The following SART1 variants were observed in gnomAD, a reference collection of about 807,000 sequenced individuals.
SART1 encodes U4/U6.U5 tri-snRNP-associated protein 1.
A neutral mutation model predicts 105.0 loss-of-function variants in SART1; 28 were observed. The observed-to-expected ratio is 0.27, with a 90% confidence interval of 0.20 to 0.37. SART1 has a LOEUF of 0.37. SART1 is among the 10% of genes least tolerant of loss of function. The probability of loss-of-function intolerance (pLI) is 1.00; values close to 1 mark genes in which losing one functional copy is unlikely to be tolerated. For missense variants in SART1, 894 were observed against 1,106.5 expected, an observed-to-expected ratio of 0.81 and a Z score of 2.72; for synonymous variants, 472 against 462.9, an observed-to-expected ratio of 1.02 and a Z score of -0.25.
chr11:65,967,903 T>G (rs1855294742), intron 12 of SART1, 82 bp downstream of exon 12: 1 of 1,158,686 alleles, frequency 8.6e-7, no homozygotes, highest in Non-Finnish European at 1.2e-6. Flanking sequence ...ACAGCCACAT[T>G]CCTGTCTGAA....
chr11:65,970,437 T>C (rs1412989750), intron 12 of SART1, among the ~76,000 whole-genome samples: 1 of 152,148 alleles, frequency 6.6e-6, no homozygotes, highest in African/African-American at 2.4e-5. Context: ...GGGAGACACA[T>C]TTATGACGGA....
intron 1 of SART1, among the ~76,000 whole-genome samples, chr11:65,963,471 G>GTT (rs201364567): frequency 1.3e-5 from 2 of 148,912 alleles, no homozygotes; most frequent in Non-Finnish European, 1.5e-5. Flanking sequence ...GAAAGGAAGA[G>GTT]TTTTTTTTTT....
intron 1 of SART1, among the ~76,000 whole-genome samples, chr11:65,962,319 ACT>A (rs1204280522): frequency 6.6e-6 from 1 of 152,152 alleles, no homozygotes; most frequent in Admixed American, 6.5e-5. Flanking sequence ...ACAAAGCGAG[ACT>A]CTGTCTCAAA....
In SART1 at chr11:65,962,057, G is replaced by T. The variant is rs1177180019; in HGVS notation, c.277G>T (p.Val93Leu). The T allele has an allele frequency of 2.0e-6, 3 of 1,480,108 alleles. No homozygotes were observed. The highest frequency in any genetic ancestry group is 2.2e-5 in the Admixed American group (1 of 44,882). 91.7% of individuals were successfully genotyped at this position (1,480,108 alleles called of 1,614,324 possible). A position where few individuals can be genotyped will look rare whatever the true frequency, so the allele number is the denominator to read the frequency against. The change falls in exon 1 of 20, where the codon GTG (valine) becomes TTG (leucine). Residue 93 changes from valine to leucine, a missense_variant. Val to Leu is a conservative substitution (Grantham distance 32, BLOSUM62 1). Transcript: ENST00000312397. ...RSQAEPSERRVKREKRDDGYE... is the reference protein window; with the variant it reads ...RSQAEPSERRLKREKRDDGYE... Reference sequence around the variant, plus strand: ...CCAGGCAGAGCCCTCCGAGCGGCGCGTGAAGCGGGAGAAGCGCGATGACGG... The same window carrying T: ...CCAGGCAGAGCCCTCCGAGCGGCGCTTGAAGCGGGAGAAGCGCGATGACGG...
intron 2 of SART1, 167 bp downstream of exon 2, chr11:65,964,298 G>A: frequency 1.2e-6 from 1 of 834,098 alleles, no homozygotes. Context: ...TAAAACCTAA[G>A]AGTAAAGTGG....
rs1416689014 is a variant in SART1, at chr11:65,980,102, C to A, written c.*1072C>A. ...CACTGCAGCCTAGGTGACAGTCAGA[C>A]CCTGTCTCAAAAAAAATAAAAAAAA... On this transcript the variant is annotated 3_prime_UTR_variant, in exon 20 of 20. Coordinates refer to ENST00000312397, the MANE Select transcript of SART1 (RefSeq NM_005146.5). Among the ~76,000 whole-genome samples, 3 of 151,874 alleles carry A rather than the reference C, an allele frequency of 2.0e-5. No individual in the cohort carries two copies. The highest frequency in any genetic ancestry group is 1.3e-4 in the Admixed American group (2 of 15,232).
chr11:65,962,124 G>C (rs1565311290), intron 1 of SART1, 31 bp downstream of exon 1: 3 of 1,113,048 alleles, frequency 2.7e-6, no homozygotes, highest in Admixed American at 3.4e-5. Flanking sequence ...CAGGGGGCGG[G>C]TCGGGCGGGG....
At chr11:65,977,477 C>A in intron 15 of SART1, 86 bp from the exon 16 acceptor site, 1 of 1,127,424 alleles carries the variant, frequency 8.9e-7, no homozygotes, top group South Asian at 1.3e-5. Context: ...GGGAGGTGCC[C>A]CCACAGGGCC....
chr11:65,978,796 C>T lies in SART1; in HGVS notation c.2266C>T (p.Leu756=). 6.2e-7 allele frequency: 1 copy of T among 1,614,008 alleles called. No individual in the cohort carries two copies. Residue 756 remains leucine, a synonymous_variant, in exon 19 of 20, where the codon CTG becomes TTG. Coordinates refer to ENST00000312397, the MANE Select transcript of SART1 (RefSeq NM_005146.5). The surrounding 1 kb of genome is among the most constrained non-coding windows in gnomAD (Gnocchi z 6.8). ...RMKKLDEEAL[L]KKMSSSDTPL... ...CTGAGTGGCCCCGACCCCTCAGCTC[C>T]TGAAGAAGATGAGCTCCAGCGACAC...
Position 65,967,712 on chromosome 11 carries a change from A to G in SART1, c.1463A>G (p.Gln488Arg). ...GGAGCTCCACCGCCGGGGTCCCCGC[A>G]GGTGCTGGAGGAGGACGAGGCGGAG... is the stretch of plus-strand genomic sequence containing the variant. The part of the protein sequence containing the change: ...EGGAPPPGSP[Q>R]VLEEDEAELE... The change falls in exon 12 of 20, where the codon CAG becomes CGG. Residue 488 changes from glutamine to arginine, a missense_variant. Physicochemically the swap from Gln to Arg is conservative, Grantham distance 43 (BLOSUM62 1). This residue lies in a region of SART1 where 712 missense variants were observed against 778.2 expected (regional missense o/e 0.91). Coordinates refer to ENST00000312397, the MANE Select transcript of SART1 (RefSeq NM_005146.5). 3 of 1,560,614 alleles carry G rather than the reference A, an allele frequency of 1.9e-6. No homozygotes were observed. The highest frequency in any genetic ancestry group is 1.8e-4 in the Middle Eastern group (1 of 5,556).
At chr11:65,974,908 C>T (rs1334245489) in intron 12 of SART1, among the ~76,000 whole-genome samples, 1 of 151,410 alleles carries the variant, frequency 6.6e-6, no homozygotes, top group African/African-American at 2.4e-5. Flanking sequence ...GGCGTGGTGG[C>T]GGGCGCCTGT....
intron 12 of SART1, among the ~76,000 whole-genome samples, chr11:65,975,792 AAG>A (rs1233496968): frequency 6.6e-6 from 1 of 152,050 alleles, no homozygotes; most frequent in Non-Finnish European, 1.5e-5. Flanking sequence ...AAGTTTTTTA[AAG>A]AGGGGAGATG....
intron 12 of SART1, among the ~76,000 whole-genome samples, chr11:65,970,756 A>AGGT (rs1855359822): frequency 7.1e-6 from 1 of 141,454 alleles, no homozygotes. Context: ...GGGATTCATG[A>AGGT]GCTGAGGAGG....
rs1194259032 is a variant in SART1, at chr11:65,976,606, C to T, written c.1746+38C>T. ...CGGCCCCGCCCTCTGCTTCCCTCGGCTGGGTGGGCTGGCTGGGGCCTGGGC... is the reference window on the plus strand; with the variant it reads ...CGGCCCCGCCCTCTGCTTCCCTCGGTTGGGTGGGCTGGCTGGGGCCTGGGC... On this transcript the variant is annotated intron_variant, in intron 13 of 19. Transcript: ENST00000312397. The surrounding 1 kb of genome is among the most constrained non-coding windows in gnomAD (Gnocchi z 5.1). 1.2e-6 allele frequency: 2 copies of T among 1,613,390 alleles called. No individual in the cohort carries two copies. The highest frequency in any genetic ancestry group is 4.5e-5 in the East Asian group (2 of 44,880).
At chr11:65,977,539 G>T in intron 15 of SART1, 24 bp from the exon 16 acceptor site, 1 of 1,607,714 alleles carries the variant, frequency 6.2e-7, no homozygotes. Flanking sequence ...GGGGTTGGGA[G>T]TCTCACAACC....
At position 65,961,823 on chromosome 11, in the gene SART1, G is replaced by A. The variant is rs1267465745; in HGVS notation, c.43G>A (p.Gly15Arg). 1 of 1,564,980 alleles carries A rather than the reference G, an allele frequency of 6.4e-7. No homozygotes were observed. Among genetic ancestry groups the A allele is most frequent in the Non-Finnish European group, 8.6e-7 (1 of 1,161,678 alleles). ...KKHRGEKEAA[G>R]TTAAAGTGGA... ...GCATCGCGGAGAGAAGGAGGCGGCC[G>A]GGACGACGGCGGCGGCCGGCACCGG... The change falls in exon 1 of 20, where the codon GGG becomes AGG. Residue 15 changes from glycine (G) to arginine (R), a missense_variant. Around this residue, in one of 2 missense-constraint regions of SART1, gnomAD observed 712 missense variants for 778.2 expected, o/e 0.91. Coordinates refer to ENST00000312397, the MANE Select transcript of SART1 (RefSeq NM_005146.5).
At chr11:65,977,925 G>A (rs1855517522) in intron 17 of SART1, 26 bp downstream of exon 17, 3 of 1,573,844 alleles carry the variant, frequency 1.9e-6, no homozygotes, top group Non-Finnish European at 2.6e-6. Context: ...TGCAGGCGGA[G>A]GCCCGGCCTG....
In SART1 at chr11:65,962,038, A is replaced by C; in HGVS notation, c.258A>C (p.Ala86=). ...CGCACGGGCGGGAGCGCAGCCAGGC[A>C]GAGCCCTCCGAGCGGCGCGTGAAGC... is the stretch of plus-strand genomic sequence containing the variant. ...SSTHGRERSQ[A]EPSERRVKRE... The change falls in exon 1 of 20, where the codon GCA becomes GCC. Residue 86 remains alanine, a synonymous_variant. Coordinates refer to ENST00000312397, the MANE Select transcript of SART1 (RefSeq NM_005146.5). 6.7e-7 allele frequency: 1 copy of C among 1,495,274 alleles called. No individual in the cohort carries two copies. The highest frequency in any genetic ancestry group is 8.9e-7 in the Non-Finnish European group (1 of 1,127,564). 92.6% of individuals were successfully genotyped at this position (1,495,274 alleles called of 1,614,324 possible). A position where few individuals can be genotyped will look rare whatever the true frequency, so the allele number is the denominator to read the frequency against.
intron 12 of SART1, among the ~76,000 whole-genome samples, chr11:65,969,691 A>G (rs1203220318): frequency 6.6e-6 from 1 of 152,118 alleles, no homozygotes; most frequent in Non-Finnish European, 1.5e-5. Flanking sequence ...CTGGGGTTAC[A>G]GGCATGAGCC....
Sources: gnomAD v4.1 joint callset for allele counts (sites outside exome capture counted in the v4.1 genomes callset) on GRCh38, gnomAD v4.1.1 for gene constraint, gnomAD v4.1.1 regional missense constraint, Gnocchi (gnomAD v3.1) non-coding constraint, MANE v1.5 for transcripts, NCBI Gene and HGNC (gene_info 2026-07-23, HGNC 2026-07-21) for gene names.